The following ARL15 variants were observed in gnomAD, a reference collection of about 807,000 sequenced individuals.
ARL15 encodes the protein ARF like GTPase 15.
Under a neutral mutation model 25.2 loss-of-function variants are expected in ARL15, and 19 were observed. The observed-to-expected ratio is 0.75, with a 90% CI of 0.53 to 1.10. ARL15 has a LOEUF of 1.10. ARL15 is among the 50% of genes least tolerant of loss of function. The pLI is 0.00. For missense variants in ARL15, 220 were observed against 246.0 expected, an observed-to-expected ratio of 0.89 and a Z score of 0.71; for synonymous variants, 94 against 86.8, an observed-to-expected ratio of 1.08 and a Z score of -0.46.
At chr5:53,894,753 T>C (rs956369514) in intron 4 of ARL15, among the ~76,000 whole-genome samples, 2 of 152,122 alleles carry the variant, frequency 1.3e-5, no homozygotes, top group Non-Finnish European at 2.9e-5. Flanking sequence ...CAACCCTAGG[T>C]GCCTCCATCC....
intron 1 of ARL15, among the ~76,000 whole-genome samples, chr5:54,214,051 T>C (rs1756116824): frequency 6.6e-6 from 1 of 151,484 alleles, no homozygotes; most frequent in East Asian, 1.9e-4. Context: ...AAATGATTAC[T>C]GTATGGCAAG....
intron 4 of ARL15, among the ~76,000 whole-genome samples, chr5:54,062,531 AAAC>A (rs1286774489): frequency 6.7e-6 from 1 of 149,292 alleles, no homozygotes; most frequent in Non-Finnish European, 1.5e-5. Context: ...AAAAAAAAAA[AAAC>A]AACAGAAGCT....
chr5:53,910,833 T>C (rs900781235), intron 4 of ARL15, among the ~76,000 whole-genome samples: 1 of 151,642 alleles, frequency 6.6e-6, no homozygotes, highest in African/African-American at 2.4e-5. Context: ...TGAAACTCAA[T>C]TGGAAAAGTG....
intron 1 of ARL15, among the ~76,000 whole-genome samples, chr5:54,262,484 G>A (rs1032077103): frequency 2.0e-5 from 3 of 152,122 alleles, no homozygotes; most frequent in Non-Finnish European, 4.4e-5. Context: ...CTGAAAAACT[G>A]CCTCTTCCCT....
intron 1 of ARL15, among the ~76,000 whole-genome samples, chr5:54,264,189 A>ATCCTT (rs1757565435): frequency 1.3e-5 from 2 of 152,060 alleles, no homozygotes; most frequent in Non-Finnish European, 2.9e-5. Flanking sequence ...TGAAAATCAT[A>ATCCTT]TCCTTTCTCC....
At chr5:54,127,717 C>T (rs1195931129) in intron 3 of ARL15, among the ~76,000 whole-genome samples, 1 of 151,744 alleles carries the variant, frequency 6.6e-6, no homozygotes, top group Non-Finnish European at 1.5e-5. Context: ...CCAAGTCAAT[C>T]CTAAGCCAAA....
chr5:54,022,579 A>C (rs956578164), intron 4 of ARL15, among the ~76,000 whole-genome samples: 1 of 152,140 alleles, frequency 6.6e-6, no homozygotes, highest in African/African-American at 2.4e-5. Context: ...GTATAACAAG[A>C]CAGCCTCTGC....
intron 3 of ARL15, among the ~76,000 whole-genome samples, chr5:54,138,476 G>C (rs1031794793): frequency 6.6e-6 from 1 of 151,912 alleles, no homozygotes; most frequent in Non-Finnish European, 1.5e-5. Context: ...AGATGTAGAA[G>C]AACAAAACTG....
At chr5:54,246,309 A>G (rs113707051) in intron 1 of ARL15, among the ~76,000 whole-genome samples, 1 of 152,120 alleles carries the variant, frequency 6.6e-6, no homozygotes, top group African/African-American at 2.4e-5. Flanking sequence ...TCTCATCTAC[A>G]CGATCCCTCC....
chr5:54,218,757 A>G (rs1756289917), intron 1 of ARL15, among the ~76,000 whole-genome samples: 1 of 152,146 alleles, frequency 6.6e-6, no homozygotes, highest in African/African-American at 2.4e-5. Context: ...TGCTCAAGAT[A>G]CCAAGTAGAT....
At chr5:53,985,091 T>A (rs745540342) in intron 4 of ARL15, among the ~76,000 whole-genome samples, 11 of 152,194 alleles carry the variant, frequency 7.2e-5, no homozygotes, top group Non-Finnish European at 1.5e-4. Flanking sequence ...TTCTAGCCCA[T>A]GTGTTTACAT....
intron 4 of ARL15, among the ~76,000 whole-genome samples, chr5:53,916,731 T>C (rs556861621): frequency 2.6e-5 from 4 of 152,182 alleles, no homozygotes; most frequent in South Asian, 4.1e-4. Flanking sequence ...AGATGATTGA[T>C]ACAGCCTCCA....
At chr5:53,905,531 A>G (rs1745220072) in intron 4 of ARL15, among the ~76,000 whole-genome samples, 1 of 152,176 alleles carries the variant, frequency 6.6e-6, no homozygotes, top group Non-Finnish European at 1.5e-5. Context: ...ATTATAAAGT[A>G]TACCCATCAA....
At chr5:53,987,144 C>T (rs1748322617) in intron 4 of ARL15, among the ~76,000 whole-genome samples, 1 of 152,120 alleles carries the variant, frequency 6.6e-6, no homozygotes, top group African/African-American at 2.4e-5. Flanking sequence ...GATATAATTT[C>T]AAGATATGGC....
intron 4 of ARL15, among the ~76,000 whole-genome samples, chr5:53,964,040 G>A (rs1227898797): frequency 6.6e-6 from 1 of 151,894 alleles, no homozygotes; most frequent in Non-Finnish European, 1.5e-5. Flanking sequence ...TAACTACATG[G>A]GCCACCTATT....
intron 4 of ARL15, chr5:54,048,016 G>A (rs1426348562): frequency 6.6e-6 from 1 of 152,134 alleles, no homozygotes; most frequent in African/African-American, 2.4e-5. Flanking sequence ...TTGAAAGGGG[G>A]TAAAGTTATG....
intron 4 of ARL15, among the ~76,000 whole-genome samples, chr5:53,981,114 T>C (rs1371254990): frequency 6.6e-6 from 1 of 152,144 alleles, no homozygotes; most frequent in Non-Finnish European, 1.5e-5. Flanking sequence ...AACCCCGGTT[T>C]AGTCACAGTG....
intron 4 of ARL15, among the ~76,000 whole-genome samples, chr5:54,099,214 CTAATA>C (rs1752369026): frequency 6.6e-6 from 1 of 152,090 alleles, no homozygotes; most frequent in African/African-American, 2.4e-5. Context: ...AATAACACTA[CTAATA>C]TAACAGTACC....
intron 4 of ARL15, among the ~76,000 whole-genome samples, chr5:54,000,045 T>C (rs1266057715): frequency 6.6e-6 from 1 of 152,164 alleles, no homozygotes; most frequent in Non-Finnish European, 1.5e-5. Flanking sequence ...TTCACTCATA[T>C]CTATATTGAG....
Sources: gnomAD v4.1 joint callset for allele counts (sites outside exome capture counted in the v4.1 genomes callset) on GRCh38, gnomAD v4.1.1 for gene constraint, MANE v1.5 for transcripts, NCBI Gene and HGNC (gene_info 2026-07-23, HGNC 2026-07-21) for gene names.